Variants in GTF3C2 observed in about 807,000 individuals in gnomAD.
The protein encoded by GTF3C2 is general transcription factor IIIC subunit 2.
Under a neutral mutation model 117.4 loss-of-function variants are expected in GTF3C2, and 17 were observed. The ratio of observed to expected loss-of-function variants is 0.14; its 90% confidence interval spans 0.10 to 0.22. The LOEUF (loss-of-function observed/expected upper bound fraction) is 0.22, where lower values mean the gene tolerates loss of function less well. Ranked by LOEUF, GTF3C2 falls within the 10% of genes least tolerant of loss-of-function variation. The probability of loss-of-function intolerance (pLI) is 1.00; values close to 1 mark genes in which losing one functional copy is unlikely to be tolerated. For synonymous variants in GTF3C2, 437 were observed against 427.0 expected (o/e 1.02, Z -0.29); for missense variants, 888 against 1,143.6 (o/e 0.78, Z 3.22).
exon 19 of GTF3C2, chr2:27,326,082 G>A (rs1296422994): frequency 2.8e-5 from 11 of 396,076 alleles, no homozygotes; most frequent in Admixed American, 1.4e-4. Flanking sequence ...GGAATACTTC[G>A]TAAGCAGGAG....
exon 6 of GTF3C2, chr2:27,337,487 G>C (rs377473751): frequency 1.2e-6 from 2 of 1,606,726 alleles, no homozygotes; most frequent in South Asian, 1.1e-5. Flanking sequence ...TTACAGCTCA[G>C]ATAACAAGTG....
intron 17 of GTF3C2, 119 bp from the exon 18 acceptor site, chr2:27,327,403 A>C (rs1680117429): frequency 1.9e-6 from 1 of 517,322 alleles, no homozygotes; most frequent in Non-Finnish European, 3.5e-6. Flanking sequence ...GCAGCTCACT[A>C]CAACCTGTGC....
At chr2:27,355,546 T>C (rs919900195) in intron 1 of GTF3C2, among the ~76,000 whole-genome samples, 1 of 151,516 alleles carries the variant, frequency 6.6e-6, no homozygotes, top group Non-Finnish European at 1.5e-5. Flanking sequence ...ACACTTCTCA[T>C]GGAAGGCAGC....
rs147785788 is a variant in GTF3C2 at position 27,338,604 on chromosome 2, C to T, written c.856-584G>A. On this transcript the variant is annotated intron_variant, in intron 4 of 18. Coordinates refer to ENST00000264720, the Ensembl canonical transcript of GTF3C2. Reference sequence around the variant, plus strand: ...GGAGTGCAGTGGCGCAATCTTGGCTCACTGCAGCCCCAGCTTCTGCCTCCT... The same window carrying T: ...GGAGTGCAGTGGCGCAATCTTGGCTTACTGCAGCCCCAGCTTCTGCCTCCT... Among the ~76,000 whole-genome samples the T allele has an allele frequency of 3.0e-3, 462 of 152,290 alleles. 1 individual carries two copies. Among genetic ancestry groups the T allele is most frequent in the African/African-American group, 0.01 (435 of 41,552 alleles).
intron 1 of GTF3C2, among the ~76,000 whole-genome samples, chr2:27,344,272 C>T (rs1680841949): frequency 1.3e-5 from 2 of 152,156 alleles, no homozygotes; most frequent in African/African-American, 4.8e-5. Context: ...GATCCACCCG[C>T]CTCAACCTCC....
intron 12 of GTF3C2, among the ~76,000 whole-genome samples, chr2:27,332,772 G>A (rs1489706122): frequency 6.6e-6 from 1 of 151,802 alleles, no homozygotes; most frequent in Admixed American, 6.6e-5. Context: ...CTGGAGTGCA[G>A]TGGCATGATC....
At chr2:27,350,863 C>T (rs766183002) in intron 1 of GTF3C2, among the ~76,000 whole-genome samples, 2 of 151,092 alleles carry the variant, frequency 1.3e-5, no homozygotes, top group Admixed American at 6.6e-5. Flanking sequence ...GCAGGAGAAT[C>T]GCTTGAATAC....
chr2:27,337,373 T>C (rs1558616890), intron 6 of GTF3C2, 31 bp from the exon 7 acceptor site: 3 of 1,534,720 alleles, frequency 2.0e-6, no homozygotes, highest in Non-Finnish European at 1.8e-6. Flanking sequence ...CAGTCTAAAT[T>C]TGGAAGTGTT....
chr2:27,335,860 G>T lies in GTF3C2; in HGVS notation c.1467+57C>A, dbSNP rs569457278. 1.1e-5 allele frequency: 13 copies of T among 1,237,128 alleles called. No individual in the cohort carries two copies. The African/African-American group carries it at 1.6e-4, about 16-fold the overall frequency. The allele number at this position is 1,237,128 out of a possible 1,614,324, so 76.6% of individuals were successfully genotyped here. A position where few individuals can be genotyped will look rare whatever the true frequency, so the allele number is the denominator to read the frequency against. On this transcript the variant is annotated intron_variant, in intron 9 of 18. Coordinates refer to ENST00000264720, the Ensembl canonical transcript of GTF3C2. ...TTCCTTCAACTCTAAGAATTCCCAGGGCCTCTTTGTCCTGGCTTTGAGTCC... is the reference window on the plus strand; with the variant it reads ...TTCCTTCAACTCTAAGAATTCCCAGTGCCTCTTTGTCCTGGCTTTGAGTCC...
chr2:27,331,218 G>T (rs999786175), intron 12 of GTF3C2, among the ~76,000 whole-genome samples: 3 of 152,164 alleles, frequency 2.0e-5, no homozygotes, highest in East Asian at 1.9e-4. Flanking sequence ...GACAATGTAA[G>T]AATAATACCA....
At chr2:27,338,292 A>T (rs1215213389) in intron 4 of GTF3C2, 1 of 417,590 alleles carries the variant, frequency 2.4e-6, no homozygotes, top group African/African-American at 2.0e-5. Flanking sequence ...GGATTCCCTT[A>T]TGCCTCTTTG....
chr2:27,343,344 G>C, exon 2 of GTF3C2: 1 of 1,613,988 alleles, frequency 6.2e-7, no homozygotes, highest in Non-Finnish European at 8.5e-7. Context: ...TCCTGCTCTG[G>C]AGGGAGCCTC....
chr2:27,329,353 C>G lies in GTF3C2; in HGVS notation c.1877+26G>C, dbSNP rs1680202209. The G allele has an allele frequency of 6.2e-7, 1 of 1,613,986 alleles. No individual in the cohort carries two copies. The highest frequency in any genetic ancestry group is 8.5e-7 in the Non-Finnish European group (1 of 1,179,858). Reference sequence around the variant, plus strand: ...CAGCCTGTCCCAGTCTTCACCTTCCCCCTCCACATACCTCCTATTCCATAC... The same window carrying G: ...CAGCCTGTCCCAGTCTTCACCTTCCGCCTCCACATACCTCCTATTCCATAC... On this transcript the variant is annotated intron_variant, in intron 13 of 18. Transcript: ENST00000264720. The surrounding 1 kb of genome is among the most constrained non-coding windows in gnomAD (Gnocchi z 4.5).
chr2:27,334,904 C>A (rs564080584), intron 10 of GTF3C2, among the ~76,000 whole-genome samples: 197 of 152,258 alleles, frequency 1.3e-3, no homozygotes, highest in African/African-American at 4.4e-3. Flanking sequence ...CTAGGCCTCG[C>A]AAAGTACTGG....
chr2:27,343,415 G>A (rs1236425330), exon 2 of GTF3C2: 3 of 1,613,908 alleles, frequency 1.9e-6, no homozygotes, highest in Non-Finnish European at 2.5e-6. Flanking sequence ...CTCTACGGAA[G>A]CCTCTGCACT....
exon 8 of GTF3C2, chr2:27,336,274 G>T: frequency 6.2e-7 from 1 of 1,614,122 alleles, no homozygotes; most frequent in Non-Finnish European, 8.5e-7. Flanking sequence ...CTCAGTGGGT[G>T]TGTCTCATTC....
chr2:27,348,270 G>GA (rs74532320), intron 1 of GTF3C2, among the ~76,000 whole-genome samples: 53,162 of 135,004 alleles, frequency 0.39, 10,404 homozygotes, highest in Admixed American at 0.44. Flanking sequence ...CCGTCTGAGG[G>GA]AAAAAAAAAA....
At chr2:27,342,429 G>C (rs966664624) in intron 3 of GTF3C2, 196 bp from the exon 4 acceptor site, 2 of 579,618 alleles carry the variant, frequency 3.5e-6, no homozygotes, top group African/African-American at 3.7e-5. Context: ...AGATGACTGA[G>C]ATAACAAATG....
At chr2:27,339,041 T>C (rs1680613841) in intron 4 of GTF3C2, among the ~76,000 whole-genome samples, 2 of 152,132 alleles carry the variant, frequency 1.3e-5, no homozygotes, top group Admixed American at 1.3e-4. Context: ...TCAACTTCTC[T>C]ACAAGTTCTA....
Sources: gnomAD v4.1 joint callset for allele counts (sites outside exome capture counted in the v4.1 genomes callset) on GRCh38, gnomAD v4.1.1 for gene constraint, Gnocchi (gnomAD v3.1) non-coding constraint, MANE v1.5 for transcripts, NCBI Gene and HGNC (gene_info 2026-07-23, HGNC 2026-07-21) for gene names.